The following FAF2 variants were observed in gnomAD, a reference collection of about 807,000 sequenced individuals.
The protein encoded by FAF2 is FAS-associated factor 2.
Under a neutral mutation model 62.3 loss-of-function variants are expected in FAF2, and 9 were observed. That is an observed-to-expected ratio of 0.14 (90% confidence interval 0.09 to 0.25). The LOEUF (loss-of-function observed/expected upper bound fraction) is 0.25. FAF2 is among the 10% of genes least tolerant of loss of function. The pLI, the probability that FAF2 is intolerant of heterozygous loss-of-function variation, is 1.00. For missense variants in FAF2, 368 were observed against 556.2 expected (o/e 0.66, Z 3.40); for synonymous variants, 202 against 198.0 (o/e 1.02, Z -0.17).
intron 1 of FAF2, among the ~76,000 whole-genome samples, chr5:176,476,558 A>T (rs549137431): frequency 6.6e-6 from 1 of 152,172 alleles, no homozygotes; most frequent in Admixed American, 6.6e-5. Flanking sequence ...GAGACGTAGA[A>T]AACAATTTTG....
Position 176,496,655 on chromosome 5 carries a change from C to A in FAF2, c.831C>A (p.Arg277=). 6.3e-7 allele frequency: 1 copy of A among 1,584,566 alleles called. No homozygotes were observed. The highest frequency in any genetic ancestry group is 8.6e-7 in the Non-Finnish European group (1 of 1,166,154). Residue 277 remains arginine (R), a synonymous_variant, in exon 8 of 11, where the codon CGC becomes CGA. Transcript: ENST00000261942. Reference sequence around the variant, plus strand: ...ACCAGACTTACCTGGTGTCAGAACGCCTAGAAAGGTACAAGGGAGTTCCCT... The same window carrying A: ...ACCAGACTTACCTGGTGTCAGAACGACTAGAAAGGTACAAGGGAGTTCCCT... ...DANQTYLVSE[R]LEREERNQTQ...
rs998087998 is a variant in FAF2 at position 176,479,107 on chromosome 5, C to T, written c.64-81C>T. ...TTTTAACATTTTTTAGTGTATTTTC[C>T]TAGCAGTATATGGCGTAAAAATACT... On this transcript the variant is annotated intron_variant, in intron 1 of 10. Transcript: ENST00000261942. 2.8e-6 allele frequency: 3 copies of T among 1,078,184 alleles called. No homozygotes were observed. In the Admixed American group the frequency reaches 5.1e-5, roughly 18 times the overall value. The allele number at this position is 1,078,184 out of a possible 1,614,324, so 66.8% of individuals were successfully genotyped here. A position where few individuals can be genotyped will look rare whatever the true frequency, so the allele number is the denominator to read the frequency against.
intron 2 of FAF2, among the ~76,000 whole-genome samples, chr5:176,486,020 G>A (rs1209648627): frequency 6.6e-6 from 1 of 152,148 alleles, no homozygotes. Context: ...ATTCTCTGAG[G>A]ATGGCTTTTC....
At position 176,506,899 on chromosome 5, in the gene FAF2, C is replaced by T. The variant is rs768276441; in HGVS notation, c.1287C>T (p.Ala429=). ...EWPNPPTLQE[A]GLSHTEVLFV... is the part of the protein sequence containing the mutation. ...CCAATCCCCCTACGCTACAGGAGGC[C>T]GGACTCAGCCACACAGAAGTTCTTT... Residue 429 remains alanine, a synonymous_variant, in exon 11 of 11, where the codon GCC becomes GCT. Transcript: ENST00000261942. The T allele has an allele frequency of 1.1e-5, 18 of 1,608,404 alleles. No homozygotes were observed. The highest frequency in any genetic ancestry group is 2.2e-5 in the East Asian group (1 of 44,698).
rs1758173384 is a variant in FAF2, at chr5:176,451,739, GTGTATATA to G, written c.63+3277_63+3284del. ...GCGATATATATAGATATATATATAT[GTGTATATA>G]TGTATATTGTATATATACATATATA... On this transcript the variant is annotated intron_variant, in intron 1 of 10. Coordinates refer to ENST00000261942, the MANE Select transcript of FAF2 (RefSeq NM_014613.3). Among the ~76,000 whole-genome samples the G allele has an allele frequency of 3.7e-5, 5 of 135,538 alleles. 1 individual carries two copies. The South Asian group carries it at 1.1e-3, about 30-fold the overall frequency. The allele number at this position is 135,538 out of a possible 152,430, so 88.9% of individuals were successfully genotyped here.
At chr5:176,482,482 G>T (rs1479069590) in intron 2 of FAF2, among the ~76,000 whole-genome samples, 2 of 152,094 alleles carry the variant, frequency 1.3e-5, no homozygotes, top group African/African-American at 4.8e-5. Context: ...CAAATTCCTG[G>T]AATTACAGGC....
chr5:176,478,139 A>G lies in FAF2; in HGVS notation c.64-1049A>G, dbSNP rs181332904. Among the ~76,000 whole-genome samples the G allele has an allele frequency of 2.1e-3, 322 of 152,340 alleles. 10 individuals are homozygous for G. The highest frequency in any genetic ancestry group is 8.1e-4 in the Non-Finnish European group (55 of 68,032). On this transcript the variant is annotated intron_variant, in intron 1 of 10. Transcript: ENST00000261942. ...GAAATTCTGGGCATGAGATGTATAC[A>G]TGAACTGTTAGATTTGCTGAATATT...
In FAF2 at chr5:176,494,165, T is replaced by G; in HGVS notation, c.570-19T>G. The G allele has an allele frequency of 9.9e-6, 16 of 1,613,032 alleles. No individual in the cohort carries two copies. Among genetic ancestry groups the G allele is most frequent in the Non-Finnish European group, 1.3e-5 (15 of 1,178,996 alleles). ...TAGTCAGCAAGTTGTTCTCATATCCTTTTCATACCTTTCCACAGCAACACA... is the reference window on the plus strand; with the variant it reads ...TAGTCAGCAAGTTGTTCTCATATCCGTTTCATACCTTTCCACAGCAACACA... On this transcript the variant is annotated intron_variant, in intron 6 of 10. Transcript: ENST00000261942. This position sits in a 1 kb window ranked among gnomAD's most constrained non-coding sequence, Gnocchi z 4.0.
At chr5:176,466,436 T>G (rs1758470084) in intron 1 of FAF2, among the ~76,000 whole-genome samples, 1 of 152,206 alleles carries the variant, frequency 6.6e-6, no homozygotes, top group Non-Finnish European at 1.5e-5. Flanking sequence ...TACTTAAATC[T>G]CAGCTGAGAT....
At chr5:176,500,221 G>A in intron 10 of FAF2, 75 bp downstream of exon 10, 1 of 1,434,180 alleles carries the variant, frequency 7.0e-7, no homozygotes, top group Non-Finnish European at 9.7e-7. Flanking sequence ...TGACTCTTGA[G>A]AGTGGTGTTG....
At chr5:176,461,527 T>G (rs1020963477) in intron 1 of FAF2, among the ~76,000 whole-genome samples, 1 of 151,654 alleles carries the variant, frequency 6.6e-6, no homozygotes, top group Non-Finnish European at 1.5e-5. Flanking sequence ...AGGGTCTTGC[T>G]GTGTTGCCCA....
chr5:176,499,834 A>G (rs1238129571), intron 9 of FAF2, among the ~76,000 whole-genome samples, 169 bp from the exon 10 acceptor site: 1 of 152,150 alleles, frequency 6.6e-6, no homozygotes, highest in African/African-American at 2.4e-5. Flanking sequence ...TAAAGAATAC[A>G]TGAGATGCAA....
At chr5:176,490,987 C>T (rs756709219) in intron 4 of FAF2, among the ~76,000 whole-genome samples, 2 of 152,102 alleles carry the variant, frequency 1.3e-5, no homozygotes, top group Admixed American at 1.3e-4. Flanking sequence ...CGCTCTGGAA[C>T]GTTGTTGTCA....
At chr5:176,466,675 A>AGCTG (rs1206286525) in intron 1 of FAF2, among the ~76,000 whole-genome samples, 3 of 152,248 alleles carry the variant, frequency 2.0e-5, no homozygotes, top group Non-Finnish European at 4.4e-5. Context: ...TTCGAAAGCT[A>AGCTG]GTCTGCAAGT....
chr5:176,493,104 A>G (rs1046782027), intron 5 of FAF2, among the ~76,000 whole-genome samples: 4 of 152,188 alleles, frequency 2.6e-5, no homozygotes, highest in African/African-American at 4.8e-5. Context: ...AGGGAAAACT[A>G]TGGGAATGCT....
rs759909715 is a variant in FAF2 at position 176,489,035 on chromosome 5, C to G, written c.344+8C>G. 6.2e-7 allele frequency: 1 copy of G among 1,605,494 alleles called. No individual in the cohort carries two copies. The highest frequency in any genetic ancestry group is 1.1e-5 in the South Asian group (1 of 90,286). On this transcript the variant is annotated splice_region_variant and intron_variant, in intron 4 of 10. Transcript: ENST00000261942. ...GATACTTGATATATTTAGGTATGTA[C>G]CTTTGGATTTATGTATTAGTAGAAT...
chr5:176,506,416 A>G (rs1045602847), intron 10 of FAF2, among the ~76,000 whole-genome samples: 4 of 152,038 alleles, frequency 2.6e-5, no homozygotes, highest in Non-Finnish European at 2.9e-5. Context: ...TTAGCACTTC[A>G]CTCTCAACTG....
At position 176,509,836 on chromosome 5, in the gene FAF2, AG is replaced by A. The variant is rs1238902790; in HGVS notation, c.*2890del. The stretch of plus-strand genomic sequence containing the variant: ...GCGATAACCCCCAGAATGCAAAATC[AG>A]GGGCATCATTATCCGGTGCTTGAAC... On this transcript the variant is annotated 3_prime_UTR_variant, in exon 11 of 11. Transcript: ENST00000261942. The A allele has an allele frequency of 6.5e-6, 1 of 152,678 alleles. No homozygotes were observed. The highest frequency in any genetic ancestry group is 1.5e-5 in the Non-Finnish European group (1 of 68,046). The allele number at this position is 152,678 out of a possible 1,614,324, so 9.5% of individuals were successfully genotyped here.
chr5:176,451,811 C>T (rs866816542), intron 1 of FAF2, among the ~76,000 whole-genome samples: 1,286 of 19,866 alleles, frequency 0.065, 137 homozygotes, highest in African/African-American at 0.18. Context: ...TATATATATA[C>T]ACACATATAT....
Sources: allele counts gnomAD v4.1 joint callset (sites outside exome capture counted in the v4.1 genomes callset), GRCh38; gene constraint gnomAD v4.1.1; non-coding constraint Gnocchi (gnomAD v3.1); transcripts MANE v1.5; gene names NCBI Gene and HGNC (gene_info 2026-07-23, HGNC 2026-07-21).